Variants in PRDM10 observed in about 807,000 individuals in gnomAD.
The protein encoded by PRDM10 is PR/SET domain 10, also known as PR domain zinc finger protein 10.
A neutral mutation model predicts 133.1 loss-of-function variants in PRDM10; 65 were observed. The ratio of observed to expected loss-of-function variants is 0.49; its 90% confidence interval spans 0.40 to 0.60. The LOEUF (loss-of-function observed/expected upper bound fraction) is 0.60. Ranked by LOEUF, PRDM10 falls within the 20% of genes least tolerant of loss-of-function variation. The pLI is 0.00. For synonymous variants in PRDM10, 582 were observed against 580.4 expected, an observed-to-expected ratio of 1.00 and a Z score of -0.04; for missense variants, 1,137 against 1,507.1, an observed-to-expected ratio of 0.75 and a Z score of 4.07.
rs930227655 is a variant in PRDM10 at position 129,921,127 on chromosome 11, C to T, written c.2034+2121G>A. Among the ~76,000 whole-genome samples the T allele has an allele frequency of 2.6e-5, 4 of 152,160 alleles. No individual in the cohort carries two copies. In the South Asian group the frequency reaches 8.3e-4, roughly 31 times the overall value. ...ATTCTTTTCTCTATTCTAGTGTGAG[C>T]TCCCTGAAGTTGGAAGGTCCCACCT... is the stretch of plus-strand genomic sequence containing the variant. On this transcript the variant is annotated intron_variant, in intron 13 of 20. Coordinates refer to ENST00000360871, the MANE Select transcript of PRDM10 (RefSeq NM_199437.2).
At chr11:129,964,036 G>A (rs59765570) in intron 1 of PRDM10, among the ~76,000 whole-genome samples, 11,324 of 152,182 alleles carry the variant, frequency 0.074, 780 homozygotes, top group East Asian at 0.39. Flanking sequence ...ATTTAAGTTT[G>A]TCTGATGTTT....
At chr11:129,905,380 A>G (rs1949982367) in intron 20 of PRDM10, among the ~76,000 whole-genome samples, 1 of 151,662 alleles carries the variant, frequency 6.6e-6, no homozygotes, top group Admixed American at 6.6e-5. Context: ...AAAAAAAAAA[A>G]AAAGGCTCAT....
intron 18 of PRDM10, 95 bp downstream of exon 18, chr11:129,911,990 G>A (rs753267851): frequency 8.8e-6 from 12 of 1,363,430 alleles, no homozygotes; most frequent in Non-Finnish European, 1.2e-5. Context: ...AGTAGCTGAG[G>A]AGACTAGGTC....
At chr11:129,919,143 G>A (rs934714339) in intron 13 of PRDM10, among the ~76,000 whole-genome samples, 5 of 152,136 alleles carry the variant, frequency 3.3e-5, no homozygotes, top group African/African-American at 9.7e-5. Context: ...GGCCGACAAG[G>A]GCGGATCACC....
chr11:129,968,085 T>C (rs1023580973), intron 1 of PRDM10, among the ~76,000 whole-genome samples: 2 of 152,216 alleles, frequency 1.3e-5, no homozygotes, highest in Non-Finnish European at 2.9e-5. Context: ...GATGAGTACC[T>C]GGAATCCCAG....
intron 1 of PRDM10, among the ~76,000 whole-genome samples, 153 bp downstream of exon 1, chr11:130,002,569 G>T (rs1212776410): frequency 6.6e-6 from 1 of 151,948 alleles, no homozygotes; most frequent in Non-Finnish European, 1.5e-5. Flanking sequence ...CCCCACCCGG[G>T]TCCGCGGTCG....
In PRDM10 at chr11:129,944,802, G is replaced by A. The variant is rs146397050; in HGVS notation, c.731C>T (p.Ser244Leu). 6.2e-6 allele frequency: 10 copies of A among 1,613,652 alleles called. No individual in the cohort carries two copies. Among genetic ancestry groups the A allele is most frequent in the Non-Finnish European group, 8.5e-6 (10 of 1,179,964 alleles). Residue 244 changes from serine (S) to leucine (L), a missense_variant, in exon 6 of 21, where the codon TCG becomes TTG. Around this residue, in one of 6 missense-constraint regions of PRDM10, gnomAD observed 635 missense variants for 835.2 expected, o/e 0.76. Coordinates refer to ENST00000360871, the MANE Select transcript of PRDM10 (RefSeq NM_199437.2). The part of the protein sequence containing the change: ...GPVEGPLVRG[S>L]ELKDCYIHLK... Reference sequence around the variant, plus strand: ...GTGAATGTAACAGTCTTTCAGCTCCGAGCCCCTGACGAGAGGCCCCTCCAC... The same window carrying A: ...GTGAATGTAACAGTCTTTCAGCTCCAAGCCCCTGACGAGAGGCCCCTCCAC...
chr11:129,994,815 C>A (rs900464070), intron 1 of PRDM10, among the ~76,000 whole-genome samples: 3 of 151,820 alleles, frequency 2.0e-5, no homozygotes, highest in African/African-American at 2.4e-5. Flanking sequence ...CCATGCCCGG[C>A]TAATTTTTTT....
At chr11:129,920,369 A>G (rs971766583) in intron 13 of PRDM10, among the ~76,000 whole-genome samples, 1 of 152,006 alleles carries the variant, frequency 6.6e-6, no homozygotes, top group Non-Finnish European at 1.5e-5. Context: ...GTGTTCCCAA[A>G]CATCTAGCCT....
At position 129,910,664 on chromosome 11, in the gene PRDM10, G is replaced by A; in HGVS notation, c.2983-8C>T. 6.5e-7 allele frequency: 1 copy of A among 1,543,908 alleles called. No individual in the cohort carries two copies. On this transcript the variant is annotated splice_polypyrimidine_tract_variant and splice_region_variant and intron_variant, in intron 18 of 20. Transcript: ENST00000360871. ...CAACGGCTGCCCAGATACCTGGGGA[G>A]AAAGAGAAAGCAATGGTAGGGAATT...
chr11:129,962,574 C>T (rs1206004262), intron 1 of PRDM10, among the ~76,000 whole-genome samples: 1 of 152,200 alleles, frequency 6.6e-6, no homozygotes, highest in Non-Finnish European at 1.5e-5. Flanking sequence ...GAAAGGAACA[C>T]AAGGGAACTT....
intron 4 of PRDM10, among the ~76,000 whole-genome samples, chr11:129,954,568 A>C (rs1951660430): frequency 6.6e-6 from 1 of 151,996 alleles, no homozygotes; most frequent in South Asian, 2.1e-4. Flanking sequence ...CCTGGCCAGA[A>C]AGTGCTTCTT....
intron 11 of PRDM10, 59 bp downstream of exon 11, chr11:129,930,957 C>CTGGT: frequency 6.5e-7 from 1 of 1,543,374 alleles, no homozygotes; most frequent in Non-Finnish European, 8.7e-7. Context: ...CACCAGAGAG[C>CTGGT]TGGTGGTGGG....
At chr11:129,921,244 C>T (rs1225477800) in intron 13 of PRDM10, among the ~76,000 whole-genome samples, 3 of 152,170 alleles carry the variant, frequency 2.0e-5, no homozygotes, top group African/African-American at 7.2e-5. Flanking sequence ...GCAAAAGGCC[C>T]TGTGGGAATT....
intron 13 of PRDM10, among the ~76,000 whole-genome samples, chr11:129,919,812 G>C (rs1950468311): frequency 6.6e-6 from 1 of 152,046 alleles, no homozygotes; most frequent in Admixed American, 6.6e-5. Flanking sequence ...ATTCCTTGAG[G>C]GCCTACCCAG....
At chr11:129,974,746 G>A (rs1270273021) in intron 1 of PRDM10, among the ~76,000 whole-genome samples, 2 of 152,178 alleles carry the variant, frequency 1.3e-5, no homozygotes, top group African/African-American at 2.4e-5. Flanking sequence ...TAAAGTACCC[G>A]ATATGCTGCT....
chr11:129,933,037 G>T (rs1022244965), intron 9 of PRDM10, among the ~76,000 whole-genome samples: 1 of 152,190 alleles, frequency 6.6e-6, no homozygotes, highest in African/African-American at 2.4e-5. Flanking sequence ...GGGGATTACA[G>T]GCATGAGCCA....
chr11:129,941,210 T>TAAATGAAAAATAGGCAAGAA (rs1248921617), intron 7 of PRDM10, among the ~76,000 whole-genome samples: 3 of 152,242 alleles, frequency 2.0e-5, no homozygotes, highest in Non-Finnish European at 2.9e-5. Flanking sequence ...TGTGTACTTA[T>TAAATGAAAAATAGGCAAGAA]ATGATCATTT....
In PRDM10 at chr11:129,912,097, C is replaced by T. The variant is rs767200523; in HGVS notation, c.2970G>A (p.Pro990=). 3.2e-5 allele frequency: 51 copies of T among 1,608,190 alleles called. 1 individual carries two copies. The highest frequency in any genetic ancestry group is 8.0e-5 in the African/African-American group (6 of 74,700). Residue 990 remains proline (P), a synonymous_variant, in exon 18 of 21, where the codon CCG becomes CCA. Coordinates refer to ENST00000360871, the MANE Select transcript of PRDM10 (RefSeq NM_199437.2). The part of the protein sequence containing the change: ...IQVSEPTASA[P]SSAQVSGQPL... The stretch of plus-strand genomic sequence containing the variant: ...TGGAGCAGGGTACCTGGGCGGAGGA[C>T]GGGGCCGAGGCGGTAGGCTCGCTGA...
Sources: gnomAD v4.1 joint callset for allele counts (sites outside exome capture counted in the v4.1 genomes callset) on GRCh38, gnomAD v4.1.1 for gene constraint, gnomAD v4.1.1 regional missense constraint, MANE v1.5 for transcripts, NCBI Gene and HGNC (gene_info 2026-07-23, HGNC 2026-07-21) for gene names.